The following ACAP2 variants were observed in gnomAD, a reference collection of about 807,000 sequenced individuals.
ACAP2 encodes the protein arf-GAP with coiled-coil, ANK repeat and PH domain-containing protein 2.
In ACAP2, 39 loss-of-function variants were observed where a neutral mutation model predicts 115.8. The observed-to-expected ratio is 0.34, with a 90% CI of 0.26 to 0.44. The LOEUF (loss-of-function observed/expected upper bound fraction) is 0.44. ACAP2 is among the 20% of genes least tolerant of loss of function. The pLI, the probability that ACAP2 is intolerant of heterozygous loss-of-function variation, is 1.00. For missense variants in ACAP2, 662 were observed against 927.6 expected, an observed-to-expected ratio of 0.71 and a Z score of 3.72; for synonymous variants, 289 against 315.8, an observed-to-expected ratio of 0.92 and a Z score of 0.90.
intron 1 of ACAP2, among the ~76,000 whole-genome samples, chr3:195,400,075 G>T (rs1451752194): frequency 6.6e-6 from 1 of 151,872 alleles, no homozygotes; most frequent in South Asian, 2.1e-4. Flanking sequence ...CTACTCGGGG[G>T]GCTGAGGCAG....
chr3:195,353,919 A>G (rs1244835119), intron 4 of ACAP2, among the ~76,000 whole-genome samples: 1 of 152,144 alleles, frequency 6.6e-6, no homozygotes, highest in Non-Finnish European at 1.5e-5. Context: ...GATTTGTTAT[A>G]CAGATTATTT....
intron 16 of ACAP2, among the ~76,000 whole-genome samples, chr3:195,296,237 A>C (rs1296768885): frequency 6.6e-6 from 1 of 152,152 alleles, no homozygotes; most frequent in Non-Finnish European, 1.5e-5. Flanking sequence ...AAACTTAAAA[A>C]TTTATAGAAA....
chr3:195,293,979 A>C (rs1269847393), intron 18 of ACAP2, among the ~76,000 whole-genome samples: 1 of 147,654 alleles, frequency 6.8e-6, no homozygotes, highest in African/African-American at 2.5e-5. Context: ...TAAAAATACA[A>C]AAAAAAAAAA....
At chr3:195,329,295 T>C (rs1301841490) in intron 8 of ACAP2, among the ~76,000 whole-genome samples, 2 of 152,176 alleles carry the variant, frequency 1.3e-5, no homozygotes, top group African/African-American at 4.8e-5. Context: ...GAAGATAACT[T>C]GGAGCAGAGT....
chr3:195,431,420 T>C (rs73080837), intron 1 of ACAP2, among the ~76,000 whole-genome samples: 26,408 of 151,862 alleles, frequency 0.17, 2,526 homozygotes, highest in Admixed American at 0.28. Flanking sequence ...AGAACTCATA[T>C]GGTAACTCTA....
intron 1 of ACAP2, among the ~76,000 whole-genome samples, chr3:195,438,032 T>A (rs1715697572): frequency 6.9e-6 from 1 of 144,184 alleles, no homozygotes; most frequent in Non-Finnish European, 1.5e-5. Context: ...GAATTTTCTT[T>A]TTTTTTTTTT....
At chr3:195,331,718 C>T (rs1403914065) in intron 8 of ACAP2, among the ~76,000 whole-genome samples, 2 of 151,794 alleles carry the variant, frequency 1.3e-5, no homozygotes, top group East Asian at 3.9e-4. Flanking sequence ...AAAGAATGTT[C>T]GTCAATAAAA....
At chr3:195,436,297 G>C (rs759459902) in intron 1 of ACAP2, among the ~76,000 whole-genome samples, 1 of 150,924 alleles carries the variant, frequency 6.6e-6, no homozygotes, top group African/African-American at 2.4e-5. Context: ...CCCAGCCAAC[G>C]GTTTTTTTGT....
At chr3:195,328,656 TACTC>T (rs1729962947) in intron 8 of ACAP2, among the ~76,000 whole-genome samples, 1 of 152,246 alleles carries the variant, frequency 6.6e-6, no homozygotes, top group Non-Finnish European at 1.5e-5. Context: ...ATATGAATAT[TACTC>T]ATTCATTCAG....
intron 1 of ACAP2, among the ~76,000 whole-genome samples, chr3:195,421,904 T>C (rs1714224561): frequency 6.6e-6 from 1 of 152,216 alleles, no homozygotes. Flanking sequence ...TATGAATTCT[T>C]TTCCTAACCA....
intron 22 of ACAP2, chr3:195,282,134 T>C (rs1464308223): frequency 5.3e-5 from 8 of 152,244 alleles, no homozygotes; most frequent in Non-Finnish European, 1.2e-4. Flanking sequence ...GCTTCTACTA[T>C]TAGCAATGCA....
chr3:195,308,915 A>C (rs1037801263), intron 10 of ACAP2, 78 bp from the exon 11 acceptor site: 5 of 1,333,698 alleles, frequency 3.7e-6, no homozygotes, highest in African/African-American at 3.0e-5. Context: ...ATATTTGAGA[A>C]AGCACTGGAA....
intron 4 of ACAP2, among the ~76,000 whole-genome samples, chr3:195,373,873 C>T (rs529006303): frequency 2.0e-4 from 31 of 152,078 alleles, no homozygotes; most frequent in Non-Finnish European, 2.5e-4. Flanking sequence ...TGCAGAGAAC[C>T]GAGATCACGC....
chr3:195,291,358 C>T (rs998597881), intron 20 of ACAP2, among the ~76,000 whole-genome samples: 2 of 152,144 alleles, frequency 1.3e-5, no homozygotes, highest in African/African-American at 4.8e-5. Flanking sequence ...TGTGTGCATG[C>T]TATGGAAATA....
intron 4 of ACAP2, among the ~76,000 whole-genome samples, chr3:195,364,993 G>C (rs1732618591): frequency 1.3e-5 from 2 of 152,162 alleles, no homozygotes; most frequent in South Asian, 4.1e-4. Flanking sequence ...GACGAAACTA[G>C]ACGTCATTAT....
At chr3:195,353,063 G>A (rs1731716540) in intron 4 of ACAP2, among the ~76,000 whole-genome samples, 1 of 146,414 alleles carries the variant, frequency 6.8e-6, no homozygotes, top group South Asian at 2.2e-4. Context: ...CTGGATGACA[G>A]AGTGAGACTC....
chr3:195,294,442 G>C (rs958220540), intron 18 of ACAP2, among the ~76,000 whole-genome samples: 11 of 151,292 alleles, frequency 7.3e-5, no homozygotes, highest in African/African-American at 2.7e-4. Context: ...GCTGGGCGTG[G>C]TGGTGGGCGC....
At chr3:195,303,585 A>G (rs1188019556) in intron 13 of ACAP2, among the ~76,000 whole-genome samples, 1 of 151,588 alleles carries the variant, frequency 6.6e-6, no homozygotes. Flanking sequence ...AGACTCCATC[A>G]TATGTACATA....
At chr3:195,298,484 A>C (rs1727805414) in intron 15 of ACAP2, among the ~76,000 whole-genome samples, 1 of 151,652 alleles carries the variant, frequency 6.6e-6, no homozygotes, top group Admixed American at 6.6e-5. Context: ...TCAAACACCT[A>C]ACATCAAGGA....
Sources: allele counts gnomAD v4.1 joint callset (sites outside exome capture counted in the v4.1 genomes callset), GRCh38; gene constraint gnomAD v4.1.1; transcripts MANE v1.5; gene names NCBI Gene and HGNC (gene_info 2026-07-23, HGNC 2026-07-21).